PRKCB: variants seen among roughly 807,000 people sequenced by gnomAD.
The protein encoded by PRKCB is protein kinase C beta, also known as protein kinase C beta type.
Under a neutral mutation model 81.5 loss-of-function variants are expected in PRKCB, and 13 were observed. The ratio of observed to expected loss-of-function variants is 0.16; its 90% confidence interval spans 0.10 to 0.25. The LOEUF (loss-of-function observed/expected upper bound fraction) is 0.25. Among genes scored for constraint, PRKCB ranks in the 10% least tolerant of loss-of-function variants. The probability of loss-of-function intolerance (pLI) is 1.00; values close to 1 mark genes in which losing one functional copy is unlikely to be tolerated. For synonymous variants in PRKCB, 335 were observed against 321.4 expected (o/e 1.04, Z -0.45); for missense variants, 509 against 875.7 (o/e 0.58, Z 5.29).
At chr16:23,919,502 G>A (rs1427452985) in intron 2 of PRKCB, among the ~76,000 whole-genome samples, 1 of 151,844 alleles carries the variant, frequency 6.6e-6, no homozygotes, top group Non-Finnish European at 1.5e-5. Context: ...ATTTTGAAAT[G>A]GATCATATTT....
At chr16:24,150,148 T>C (rs944577601) in intron 9 of PRKCB, among the ~76,000 whole-genome samples, 3 of 152,100 alleles carry the variant, frequency 2.0e-5, no homozygotes, top group Non-Finnish European at 4.4e-5. Flanking sequence ...TGGGGCAACA[T>C]GGTGAAACCC....
chr16:23,858,337 C>T (rs1962607185), intron 2 of PRKCB, among the ~76,000 whole-genome samples: 1 of 151,858 alleles, frequency 6.6e-6, no homozygotes, highest in South Asian at 2.1e-4. Context: ...GTGAAGGGCT[C>T]CGGGGGTCAC....
At chr16:24,134,833 G>C (rs1305928524) in intron 9 of PRKCB, among the ~76,000 whole-genome samples, 2 of 151,924 alleles carry the variant, frequency 1.3e-5, no homozygotes, top group African/African-American at 2.4e-5. Flanking sequence ...GAGAGGTTGA[G>C]CCCAGGAGTT....
intron 2 of PRKCB, among the ~76,000 whole-genome samples, chr16:23,899,203 G>A (rs1963426479): frequency 6.6e-6 from 1 of 152,232 alleles, no homozygotes; most frequent in African/African-American, 2.4e-5. Flanking sequence ...AAGAGGGGCA[G>A]AGATGCCAGC....
At chr16:24,042,437 A>AT (rs752553970) in intron 5 of PRKCB, among the ~76,000 whole-genome samples, 4 of 152,048 alleles carry the variant, frequency 2.6e-5, no homozygotes, top group Admixed American at 1.3e-4. Context: ...TTGGTTTGTA[A>AT]TTTTTTCCCA....
At chr16:23,955,817 G>C (rs1345554683) in intron 2 of PRKCB, among the ~76,000 whole-genome samples, 1 of 152,130 alleles carries the variant, frequency 6.6e-6, no homozygotes, top group Non-Finnish European at 1.5e-5. Context: ...ACAGCAGAAA[G>C]GCATTTTCCT....
chr16:24,152,008 G>A (rs193118332), intron 9 of PRKCB, among the ~76,000 whole-genome samples: 1 of 151,930 alleles, frequency 6.6e-6, no homozygotes, highest in African/African-American at 2.4e-5. Context: ...TCCTTCTCTC[G>A]TTTTGGTTGG....
At chr16:23,865,816 G>A (rs1222476933) in intron 2 of PRKCB, among the ~76,000 whole-genome samples, 5 of 151,746 alleles carry the variant, frequency 3.3e-5, no homozygotes, top group South Asian at 2.1e-4. Flanking sequence ...AAGGAGCTGA[G>A]TGAAGGTTCT....
chr16:24,047,051 T>C (rs927465985), intron 5 of PRKCB, among the ~76,000 whole-genome samples: 1 of 151,750 alleles, frequency 6.6e-6, no homozygotes, highest in Non-Finnish European at 1.5e-5. Context: ...AAAAATTAGC[T>C]GGGTAGGCAG....
chr16:24,214,991 G>T lies in PRKCB; in HGVS notation c.*175G>T. The T allele has an allele frequency of 7.0e-7, 1 of 1,435,844 alleles. No individual in the cohort carries two copies. Among genetic ancestry groups the T allele is most frequent in the Non-Finnish European group, 9.1e-7 (1 of 1,099,164 alleles). 88.9% of individuals were successfully genotyped at this position (1,435,844 alleles called of 1,614,324 possible). A position where few individuals can be genotyped will look rare whatever the true frequency, so the allele number is the denominator to read the frequency against. On this transcript the variant is annotated 3_prime_UTR_variant, in exon 17 of 17. Transcript: ENST00000643927. Reference sequence around the variant, plus strand: ...CAGGTAGTTTGGAGCATCTCTATGAGATGGGATTATGCAGATGGCCTATGG... The same window carrying T: ...CAGGTAGTTTGGAGCATCTCTATGATATGGGATTATGCAGATGGCCTATGG...
chr16:24,162,156 T>G (rs1439696497), intron 10 of PRKCB, among the ~76,000 whole-genome samples: 1 of 152,044 alleles, frequency 6.6e-6, no homozygotes, highest in African/African-American at 2.4e-5. Flanking sequence ...GAACGTCAAT[T>G]CAGAATGCAA....
Position 24,217,093 on chromosome 16 carries a change from A to T in PRKCB, c.*2277A>T, listed in dbSNP as rs1968239028. 1.0e-6 allele frequency: 1 copy of T among 984,832 alleles called. No homozygotes were observed. The highest frequency in any genetic ancestry group is 1.8e-5 in the African/African-American group (1 of 57,138). 61.0% of individuals were successfully genotyped at this position (984,832 alleles called of 1,614,324 possible). On this transcript the variant is annotated 3_prime_UTR_variant, in exon 17 of 17. Coordinates refer to ENST00000643927, the MANE Select transcript of PRKCB (RefSeq NM_002738.7). Reference sequence around the variant, plus strand: ...ATGTAGGATGAATGGAAAGAGAAAGAAAGGAAAGAAAGAAGAAAAAGAAAG... The same window carrying T: ...ATGTAGGATGAATGGAAAGAGAAAGTAAGGAAAGAAAGAAGAAAAAGAAAG...
At chr16:23,967,284 G>T (rs1404946401) in intron 2 of PRKCB, among the ~76,000 whole-genome samples, 1 of 152,166 alleles carries the variant, frequency 6.6e-6, no homozygotes, top group Non-Finnish European at 1.5e-5. Flanking sequence ...CCTTTTGGAT[G>T]GTGGCCTTGG....
intron 3 of PRKCB, among the ~76,000 whole-genome samples, chr16:23,999,192 TG>T (rs1964999800): frequency 1.3e-5 from 2 of 152,204 alleles, no homozygotes; most frequent in African/African-American, 4.8e-5. Context: ...CATGCAGGTA[TG>T]GAGGGGTGCC....
At chr16:23,947,576 T>G (rs1282469387) in intron 2 of PRKCB, among the ~76,000 whole-genome samples, 1 of 152,220 alleles carries the variant, frequency 6.6e-6, no homozygotes. Flanking sequence ...TGCATTTTCC[T>G]GCCAGGCCAT....
chr16:24,182,208 G>A (rs181106087), intron 13 of PRKCB, among the ~76,000 whole-genome samples: 30 of 152,114 alleles, frequency 2.0e-4, no homozygotes, highest in East Asian at 1.2e-3. Context: ...GTTTAGAGTC[G>A]TGAGGGAGCT....
chr16:24,149,413 A>G (rs1967042803), intron 9 of PRKCB, among the ~76,000 whole-genome samples: 1 of 152,250 alleles, frequency 6.6e-6, no homozygotes, highest in Non-Finnish European at 1.5e-5. Flanking sequence ...TGATTAGAAT[A>G]TTAAGAAGAA....
intron 2 of PRKCB, among the ~76,000 whole-genome samples, chr16:23,865,517 ATGTGTGTGTGTGTGTGTGTG>A (rs1160958906): frequency 1.5e-4 from 1 of 6,758 alleles, no homozygotes; most frequent in Non-Finnish European, 2.4e-4. Context: ...ATATATATAT[ATGTGTGTGTGTGTGTGTGTG>A]TGTGTGTGTG....
At chr16:23,932,209 C>G (rs1963988456) in intron 2 of PRKCB, among the ~76,000 whole-genome samples, 2 of 152,180 alleles carry the variant, frequency 1.3e-5, no homozygotes, top group Non-Finnish European at 2.9e-5. Flanking sequence ...TAAATTCAAA[C>G]AAATCATCCA....
Sources: allele counts gnomAD v4.1 joint callset (sites outside exome capture counted in the v4.1 genomes callset), GRCh38; gene constraint gnomAD v4.1.1; transcripts MANE v1.5; gene names NCBI Gene and HGNC (gene_info 2026-07-23, HGNC 2026-07-21).